TMEM233: variants seen among roughly 807,000 people sequenced by gnomAD.
TMEM233 encodes transmembrane protein 233.
TMEM233 carries 6 observed loss-of-function variants against 11.2 expected under a neutral mutation model. That is an observed-to-expected ratio of 0.54 (90% CI 0.29 to 1.06). The LOEUF is 1.06. TMEM233 is among the 50% of genes least tolerant of loss of function. The pLI is 0.08. For missense variants in TMEM233, 127 were observed against 144.7 expected, an observed-to-expected ratio of 0.88 and a Z score of 0.63; for synonymous variants, 59 against 55.8, an observed-to-expected ratio of 1.06 and a Z score of -0.26.
Position 119,613,524 on chromosome 12 carries a change from C to T in TMEM233, c.187-16212C>T, listed in dbSNP as rs150998140. On this transcript the variant is annotated intron_variant, in intron 1 of 2. Coordinates refer to ENST00000426426, the MANE Select transcript of TMEM233 (RefSeq NM_001136534.3). ...TGGTCACAGGACCTACTTAAGATGT[C>T]GGGACCTGGCTGAGTACAGTGGCTC... Among the ~76,000 whole-genome samples, 57 of 152,262 alleles carry T rather than the reference C, an allele frequency of 3.7e-4. 1 individual carries two copies. The highest frequency in any genetic ancestry group is 1.3e-3 in the African/African-American group (54 of 41,552).
intron 1 of TMEM233, among the ~76,000 whole-genome samples, chr12:119,624,583 C>T (rs1171369050): frequency 1.3e-5 from 2 of 151,836 alleles, no homozygotes; most frequent in Non-Finnish European, 2.9e-5. Context: ...GAATCCAGTC[C>T]CCCCAAAAAA....
At chr12:119,601,887 C>T (rs1332744133) in intron 1 of TMEM233, among the ~76,000 whole-genome samples, 1 of 152,096 alleles carries the variant, frequency 6.6e-6, no homozygotes, top group African/African-American at 2.4e-5. Flanking sequence ...AAGAAAAGGA[C>T]ACAGGATCCG....
Position 119,595,327 on chromosome 12 carries a change from C to T in TMEM233, c.186+1293C>T, listed in dbSNP as rs999138995. On this transcript the variant is annotated intron_variant, in intron 1 of 2. Transcript: ENST00000426426. The surrounding 1 kb of genome is among the most constrained non-coding windows in gnomAD (Gnocchi z 4.3). ...CCACAGACGCAGAGCCCTGATTCAG[C>T]GCTGTGAAAATCGCTAGCCACCCGT... 6.6e-6 allele frequency among the ~76,000 whole-genome samples: 1 copy of T among 152,234 alleles called. No individual in the cohort carries two copies. Among genetic ancestry groups the T allele is most frequent in the Non-Finnish European group, 1.5e-5 (1 of 68,040 alleles).
At chr12:119,606,520 TA>T (rs1418463030) in intron 1 of TMEM233, among the ~76,000 whole-genome samples, 3 of 152,196 alleles carry the variant, frequency 2.0e-5, no homozygotes, top group East Asian at 1.9e-4. Flanking sequence ...AAACATGTTC[TA>T]AAAAAAATTT....
chr12:119,648,477 T>C, the TMEM233 span, among the ~76,000 whole-genome samples: 3 of 152,346 alleles, frequency 2.0e-5, no homozygotes, highest in East Asian at 5.8e-4. Flanking sequence ...ATTAAGTGCC[T>C]CTTGTTCAGA....
chr12:119,644,480 T>G (rs1258720848), downstream of TMEM233, among the ~76,000 whole-genome samples: 4 of 49,228 alleles, frequency 8.1e-5, no homozygotes, highest in African/African-American at 3.0e-4. Flanking sequence ...TTTCTTTTCT[T>G]TTTTTTTTTT....
At chr12:119,601,515 A>G in intron 1 of TMEM233, among the ~76,000 whole-genome samples, 1 of 152,030 alleles carries the variant, frequency 6.6e-6, no homozygotes, top group Non-Finnish European at 1.5e-5. Flanking sequence ...AAAATTAGCC[A>G]GGCGTGGTGG....
In TMEM233 at chr12:119,642,283, C is replaced by T. The variant is rs1955092932; in HGVS notation, c.*1578C>T. 6.6e-6 allele frequency: 1 copy of T among 151,958 alleles called. No individual in the cohort carries two copies. The highest frequency in any genetic ancestry group is 1.5e-5 in the Non-Finnish European group (1 of 68,030). 9.4% of individuals were successfully genotyped at this position (151,958 alleles called of 1,614,324 possible). A position where few individuals can be genotyped will look rare whatever the true frequency, so the allele number is the denominator to read the frequency against. ...CCAACATGGTGAAACTCCATCTCTACTAAAAATACAAAAATTAGCCAGGCG... is the reference window on the plus strand; with the variant it reads ...CCAACATGGTGAAACTCCATCTCTATTAAAAATACAAAAATTAGCCAGGCG... On this transcript the variant is annotated 3_prime_UTR_variant, in exon 3 of 3. Transcript: ENST00000426426.
At chr12:119,605,469 A>C in intron 1 of TMEM233, among the ~76,000 whole-genome samples, 1 of 127,436 alleles carries the variant, frequency 7.8e-6, no homozygotes, top group Non-Finnish European at 1.6e-5. Context: ...ACTCTGTTGC[A>C]CAGGCTGGAG....
rs1474999921 is a variant in TMEM233, at chr12:119,641,466, A to G, written c.*761A>G. The G allele has an allele frequency of 1.3e-5, 2 of 149,060 alleles. No homozygotes were observed. Among genetic ancestry groups the G allele is most frequent in the African/African-American group, 5.0e-5 (2 of 40,370 alleles). The allele number at this position is 149,060 out of a possible 1,614,324, so 9.2% of individuals were successfully genotyped here. ...CACTTCCTGTATCCCAGTTTTGGGA[A>G]TAAACTGGCTGTATTTATAGAATGT... On this transcript the variant is annotated 3_prime_UTR_variant, in exon 3 of 3. Transcript: ENST00000426426.
Position 119,594,324 on chromosome 12 carries a change from G to A in TMEM233, c.186+290G>A, listed in dbSNP as rs1953985092. 3 of 392,342 alleles carry A rather than the reference G, an allele frequency of 7.6e-6. No individual in the cohort carries two copies. Among genetic ancestry groups the A allele is most frequent in the East Asian group, 4.9e-5 (1 of 20,560 alleles). The allele number at this position is 392,342 out of a possible 1,614,324, so 24.3% of individuals were successfully genotyped here. A position where few individuals can be genotyped will look rare whatever the true frequency, so the allele number is the denominator to read the frequency against. ...CCAGGGTGCGTTTCCTCTCCAACCC[G>A]GGGAAGTTCTTCCGTGGACTTTGCT... is the stretch of plus-strand genomic sequence containing the variant. On this transcript the variant is annotated intron_variant, in intron 1 of 2. Transcript: ENST00000426426. This position sits in a 1 kb window ranked among gnomAD's most constrained non-coding sequence, Gnocchi z 5.6.
intron 1 of TMEM233, among the ~76,000 whole-genome samples, chr12:119,623,980 G>A (rs1377952071): frequency 6.6e-6 from 1 of 152,028 alleles, no homozygotes; most frequent in Non-Finnish European, 1.5e-5. Flanking sequence ...ATTTAACGAC[G>A]GTGGGCATCT....
intron 1 of TMEM233, among the ~76,000 whole-genome samples, chr12:119,627,600 T>C (rs979283016): frequency 6.6e-6 from 1 of 151,836 alleles, no homozygotes; most frequent in Non-Finnish European, 1.5e-5. Flanking sequence ...ACTAACAGAG[T>C]GAGAACTCAT....
chr12:119,647,125 G>A, downstream of TMEM233, among the ~76,000 whole-genome samples: 1 of 152,082 alleles, frequency 6.6e-6, no homozygotes, highest in East Asian at 1.9e-4. Context: ...CAAACTTCTG[G>A]CCTCAAGCAA....
intron 1 of TMEM233, among the ~76,000 whole-genome samples, chr12:119,614,471 A>T (rs1364975151): frequency 6.6e-6 from 1 of 152,130 alleles, no homozygotes; most frequent in Non-Finnish European, 1.5e-5. Context: ...TGACAGTAAA[A>T]TTAGTAGCAC....
At chr12:119,627,691 T>C (rs941632398) in intron 1 of TMEM233, among the ~76,000 whole-genome samples, 1 of 152,188 alleles carries the variant, frequency 6.6e-6, no homozygotes, top group African/African-American at 2.4e-5. Flanking sequence ...ACCTCCAACA[T>C]TGGGGATCAC....
chr12:119,631,150 A>C (rs1175676427), intron 2 of TMEM233: 1 of 152,278 alleles, frequency 6.6e-6, no homozygotes, highest in Non-Finnish European at 1.5e-5. Flanking sequence ...CTGGTAAGAC[A>C]GATAAGAATG....
At chr12:119,610,621 T>A (rs1954375771) in intron 1 of TMEM233, among the ~76,000 whole-genome samples, 1 of 152,134 alleles carries the variant, frequency 6.6e-6, no homozygotes, top group Non-Finnish European at 1.5e-5. Context: ...TTATGATGGT[T>A]TTATAAGGGA....
At chr12:119,639,554 GGA>G (rs967121202) in intron 2 of TMEM233, among the ~76,000 whole-genome samples, 1 of 151,970 alleles carries the variant, frequency 6.6e-6, no homozygotes, top group African/African-American at 2.4e-5. Context: ...CCCAGGAGGT[GGA>G]GGTTGCAGTG....
Sources: gnomAD v4.1 joint callset for allele counts (sites outside exome capture counted in the v4.1 genomes callset) on GRCh38, gnomAD v4.1.1 for gene constraint, Gnocchi (gnomAD v3.1) non-coding constraint, MANE v1.5 for transcripts, NCBI Gene and HGNC (gene_info 2026-07-23, HGNC 2026-07-21) for gene names.